TRIM67: variants seen among roughly 807,000 people sequenced by gnomAD.
TRIM67 encodes tripartite motif containing 67.
TRIM67 carries 39 observed loss-of-function variants against 71.0 expected under a neutral mutation model. The ratio of observed to expected loss-of-function variants is 0.55; its 90% CI spans 0.43 to 0.72. TRIM67 has a LOEUF of 0.72. TRIM67 is among the 30% of genes least tolerant of loss of function. The pLI is 0.00. For synonymous variants in TRIM67, 481 were observed against 473.9 expected, an observed-to-expected ratio of 1.01 and a Z score of -0.19; for missense variants, 973 against 1,079.2, an observed-to-expected ratio of 0.90 and a Z score of 1.38.
At position 231,163,179 on chromosome 1, in the gene TRIM67, C is replaced by G. The variant is rs1245953681; in HGVS notation, c.210C>G (p.Asp70Glu). 6.7e-7 allele frequency: 1 copy of G among 1,493,240 alleles called. No homozygotes were observed. The highest frequency in any genetic ancestry group is 1.4e-5 in the African/African-American group (1 of 69,340). The allele number at this position is 1,493,240 out of a possible 1,614,324, so 92.5% of individuals were successfully genotyped here. The change falls in exon 1 of 10, where the codon GAC becomes GAG. Residue 70 changes from aspartate to glutamate, a missense_variant. Asp to Glu is a conservative substitution (Grantham distance 45, BLOSUM62 2). Around this residue, in one of 2 missense-constraint regions of TRIM67, gnomAD observed 795 missense variants for 831.3 expected, o/e 0.96. Transcript: ENST00000366653. ...CCGCCGCTGCCTCTCTGGAGCACGA[C>G]GCTGCGGCTGGCCCGGCCTGCGGCG... Reference protein sequence around the residue: ...GAAAAASLEHDAAAGPACGGA... With the variant: ...GAAAAASLEHEAAAGPACGGA...
Position 231,209,488 on chromosome 1 carries a change from A to G in TRIM67, c.2123+238A>G, listed in dbSNP as rs765529687. ...CAGCACCCGCACAGATGGGTCTCCC[A>G]AGTTACCCAGCGGGCCACACGGTGG... is the stretch of plus-strand genomic sequence containing the variant. On this transcript the variant is annotated intron_variant, in intron 8 of 9. Transcript: ENST00000366653. This position sits in a 1 kb window ranked among gnomAD's most constrained non-coding sequence, Gnocchi z 4.1. Among the ~76,000 whole-genome samples the G allele has an allele frequency of 4.6e-5, 7 of 152,196 alleles. No individual in the cohort carries two copies. Among genetic ancestry groups the G allele is most frequent in the Non-Finnish European group, 1.0e-4 (7 of 68,030 alleles).
intron 1 of TRIM67, among the ~76,000 whole-genome samples, chr1:231,192,501 C>T (rs1253752339): frequency 2.0e-5 from 3 of 152,112 alleles, no homozygotes; most frequent in Non-Finnish European, 4.4e-5. Flanking sequence ...AAAAAAAAAT[C>T]GTTTGTTCTT....
At position 231,199,135 on chromosome 1, in the gene TRIM67, C is replaced by G; in HGVS notation, c.1229C>G (p.Thr410Ser). 6.2e-7 allele frequency: 1 copy of G among 1,613,950 alleles called. No homozygotes were observed. The highest frequency in any genetic ancestry group is 8.5e-7 in the Non-Finnish European group (1 of 1,179,890). Residue 410 changes from threonine to serine, a missense_variant, in exon 3 of 10, where the codon ACC becomes AGC. This residue lies in a region of TRIM67 where 795 missense variants were observed against 831.3 expected (regional missense o/e 0.96). Transcript: ENST00000366653. ...ALTRQKAKLL[T>S]KVTKEREHKL... ...ACTCGTCAGAAAGCCAAGCTGCTCACCAAGGTGACTAAAGAGAGGGAACAC... is the reference window on the plus strand; with the variant it reads ...ACTCGTCAGAAAGCCAAGCTGCTCAGCAAGGTGACTAAAGAGAGGGAACAC...
intron 1 of TRIM67, chr1:231,184,699 A>G (rs917409158): frequency 3.0e-5 from 12 of 393,960 alleles, no homozygotes; most frequent in Non-Finnish European, 5.1e-5. Context: ...CAGCAGAAAA[A>G]CAATGGTCCC....
At chr1:231,215,156 G>C (rs1308986670) in intron 9 of TRIM67, among the ~76,000 whole-genome samples, 2 of 152,200 alleles carry the variant, frequency 1.3e-5, no homozygotes, top group Non-Finnish European at 2.9e-5. Flanking sequence ...CCAGTCAGCT[G>C]GGTGATTCTT....
At chr1:231,204,123 C>G in intron 6 of TRIM67, 111 bp downstream of exon 6, 1 of 1,460,510 alleles carries the variant, frequency 6.8e-7, no homozygotes, top group African/African-American at 1.4e-5. Flanking sequence ...GTGTTGCCAT[C>G]CTGAGGGGAC....
At chr1:231,215,254 CTA>C in intron 9 of TRIM67, 119 bp from the exon 10 acceptor site, 1 of 1,414,426 alleles carries the variant, frequency 7.1e-7, no homozygotes, top group Non-Finnish European at 9.4e-7. Context: ...CAGCCCTGAG[CTA>C]TTGCATGGAT....
intron 1 of TRIM67, among the ~76,000 whole-genome samples, chr1:231,195,376 C>A (rs539190302): frequency 1.1e-3 from 170 of 152,344 alleles, no homozygotes; most frequent in African/African-American, 3.8e-3. Flanking sequence ...CCGTCAGGGA[C>A]AGAGCAGACC....
At chr1:231,184,972 C>G (rs1472485720) in intron 1 of TRIM67, 2 of 1,506,458 alleles carry the variant, frequency 1.3e-6, no homozygotes, top group South Asian at 2.4e-5. Context: ...GGATAAACAC[C>G]CAGCAGTGCT....
At position 231,168,990 on chromosome 1, in the gene TRIM67, G is replaced by A. The variant is rs570395117; in HGVS notation, c.1044+4977G>A. 3.9e-5 allele frequency among the ~76,000 whole-genome samples: 6 copies of A among 152,328 alleles called. No individual in the cohort carries two copies. In the East Asian group the frequency reaches 5.8e-4, roughly 15 times the overall value. On this transcript the variant is annotated intron_variant, in intron 1 of 9. Coordinates refer to ENST00000366653, the MANE Select transcript of TRIM67 (RefSeq NM_001004342.5). The stretch of plus-strand genomic sequence containing the variant: ...GAGTCCAAACTGAGAAGAGTCCGCC[G>A]GGGCTCTCAGAGCATGTGGCATGGA...
chr1:231,183,922 A>G (rs1341613927), intron 1 of TRIM67, among the ~76,000 whole-genome samples: 1 of 152,146 alleles, frequency 6.6e-6, no homozygotes, highest in Admixed American at 6.5e-5. Context: ...AGGCTTCCCC[A>G]AGTGTGAAGA....
intron 1 of TRIM67, chr1:231,187,576 C>T (rs1683119197): frequency 6.5e-7 from 1 of 1,532,268 alleles, no homozygotes; most frequent in African/African-American, 1.4e-5. Flanking sequence ...ATTTCACAAC[C>T]TCCTTTGTGC....
At position 231,162,964 on chromosome 1, in the gene TRIM67, G is replaced by C. The variant is rs1682329117; in HGVS notation, c.-6G>C. 1 of 1,610,280 alleles carries C rather than the reference G, an allele frequency of 6.2e-7. No individual in the cohort carries two copies. Among genetic ancestry groups the C allele is most frequent in the Non-Finnish European group, 8.5e-7 (1 of 1,178,744 alleles). ...GCGCAGAGCAGCGCTGGCAGCCGGCGCCGCGATGGAGGAAGAGCTGAAGTG... is the reference window on the plus strand; with the variant it reads ...GCGCAGAGCAGCGCTGGCAGCCGGCCCCGCGATGGAGGAAGAGCTGAAGTG... On this transcript the variant is annotated 5_prime_UTR_variant, in exon 1 of 10. Coordinates refer to ENST00000366653, the MANE Select transcript of TRIM67 (RefSeq NM_001004342.5).
At chr1:231,215,022 G>T (rs546774071) in intron 9 of TRIM67, among the ~76,000 whole-genome samples, 274 of 152,314 alleles carry the variant, frequency 1.8e-3, no homozygotes, top group African/African-American at 6.0e-3. Flanking sequence ...TAATAGGAAA[G>T]GAAAGAAGGT....
intron 7 of TRIM67, among the ~76,000 whole-genome samples, chr1:231,208,715 C>A (rs113923227): frequency 1.4e-4 from 21 of 152,270 alleles, no homozygotes; most frequent in African/African-American, 4.6e-4. Flanking sequence ...AAATCCTTGG[C>A]AAGGCCAGGC....
rs372211646 is a variant in TRIM67, at chr1:231,203,979, G to A, written c.1647G>A (p.Leu549=). The A allele has an allele frequency of 1.2e-6, 2 of 1,613,900 alleles. No homozygotes were observed. Among genetic ancestry groups the A allele is most frequent in the East Asian group, 4.5e-5 (2 of 44,902 alleles). The change falls in exon 6 of 10, where the codon CTG becomes CTA. Residue 549 remains leucine, a synonymous_variant. Coordinates refer to ENST00000366653, the MANE Select transcript of TRIM67 (RefSeq NM_001004342.5). The stretch of plus-strand genomic sequence containing the variant: ...ACAGCCCCGTGGACGGCTACATCCT[G>A]GAGCTGGACGACGGTGCCGGGGGAC... ...FTHSPVDGYI[L]ELDDGAGGQF... is the part of the protein sequence containing the mutation.
At chr1:231,186,618 C>G (rs945448270) in intron 1 of TRIM67, among the ~76,000 whole-genome samples, 1 of 152,186 alleles carries the variant, frequency 6.6e-6, no homozygotes, top group Non-Finnish European at 1.5e-5. Context: ...AATCTCCCCT[C>G]TTCATAAGGA....
At chr1:231,197,841 A>T (rs938875868) in intron 2 of TRIM67, among the ~76,000 whole-genome samples, 2 of 150,908 alleles carry the variant, frequency 1.3e-5, no homozygotes, top group African/African-American at 4.9e-5. Context: ...AAAGAAGAAG[A>T]AGAAGAAGAA....
chr1:231,173,426 A>T (rs1682663577), intron 1 of TRIM67, among the ~76,000 whole-genome samples: 1 of 152,192 alleles, frequency 6.6e-6, no homozygotes, highest in Admixed American at 6.5e-5. Flanking sequence ...TTTGGCAGAA[A>T]AGTTGAAAAA....
Sources: allele counts gnomAD v4.1 joint callset (sites outside exome capture counted in the v4.1 genomes callset), GRCh38; gene constraint gnomAD v4.1.1; regional missense constraint gnomAD v4.1.1; non-coding constraint Gnocchi (gnomAD v3.1); transcripts MANE v1.5; gene names NCBI Gene and HGNC (gene_info 2026-07-23, HGNC 2026-07-21).